The following TRIM61 variants were observed in gnomAD, a reference collection of about 807,000 sequenced individuals.
TRIM61 encodes the protein putative tripartite motif-containing protein 61.
Under a neutral mutation model 14.2 loss-of-function variants are expected in TRIM61, and 1 was observed. The ratio of observed to expected loss-of-function variants is 0.07; its 90% CI spans 0.03 to 0.33. The LOEUF (loss-of-function observed/expected upper bound fraction) is 0.33. TRIM61 is among the 10% of genes least tolerant of loss of function. The pLI is 0.99. For missense variants in TRIM61, 19 were observed against 202.2 expected (o/e 0.09, Z 5.49); for synonymous variants, 8 against 71.6 (o/e 0.11, Z 4.49).
intron 3 of TRIM61, among the ~76,000 whole-genome samples, chr4:164,963,384 T>G (rs1431252424): frequency 1.3e-5 from 2 of 152,082 alleles, no homozygotes; most frequent in Non-Finnish European, 2.9e-5. Context: ...CTTTTCAAGC[T>G]CCTATGGGAC....
chr4:164,955,838 C>T (rs572447206), intron 3 of TRIM61, among the ~76,000 whole-genome samples: 95 of 152,012 alleles, frequency 6.2e-4, no homozygotes, highest in African/African-American at 2.2e-3. Context: ...ACTAATTTGG[C>T]AGTTTTATGA....
chr4:164,971,098 C>CT (rs1290883220), intron 2 of TRIM61, among the ~76,000 whole-genome samples: 1 of 152,044 alleles, frequency 6.6e-6, no homozygotes, highest in Non-Finnish European at 1.5e-5. Context: ...GAAACTCTAT[C>CT]TCCCCCCTCA....
chr4:164,969,229 T>A, intron 3 of TRIM61: 1 of 1,347,308 alleles, frequency 7.4e-7, no homozygotes, highest in Non-Finnish European at 9.5e-7. Flanking sequence ...AATTCTCATA[T>A]CTGTGATAGA....
At chr4:164,965,251 G>T (rs906526043) in intron 3 of TRIM61, among the ~76,000 whole-genome samples, 5 of 151,644 alleles carry the variant, frequency 3.3e-5, no homozygotes, top group Non-Finnish European at 1.5e-5. Context: ...TTGCACCACT[G>T]CACTCCAGCC....
chr4:164,957,142 G>C, intron 3 of TRIM61: 2 of 1,606,646 alleles, frequency 1.2e-6, no homozygotes, highest in East Asian at 2.3e-5. Flanking sequence ...GCAGGGCTTC[G>C]GGTCTCCCTA....
At chr4:164,959,276 T>A (rs1732081438) in intron 3 of TRIM61, among the ~76,000 whole-genome samples, 1 of 152,176 alleles carries the variant, frequency 6.6e-6, no homozygotes. Context: ...GAACTGAAAT[T>A]TGGTGATATG....
chr4:164,956,451 A>T (rs1278501048), intron 3 of TRIM61, among the ~76,000 whole-genome samples: 1 of 152,238 alleles, frequency 6.6e-6, no homozygotes, highest in Non-Finnish European at 1.5e-5. Context: ...ATAAAAAGAA[A>T]CCAATTTCTA....
At chr4:164,977,224 C>G (rs1186051683) in intron 1 of TRIM61, among the ~76,000 whole-genome samples, 1 of 152,156 alleles carries the variant, frequency 6.6e-6, no homozygotes, top group East Asian at 1.9e-4. Flanking sequence ...GCTACCACTT[C>G]GCTCCCTTAA....
chr4:164,967,438 T>C (rs367915809), intron 3 of TRIM61, among the ~76,000 whole-genome samples: 11 of 152,292 alleles, frequency 7.2e-5, no homozygotes, highest in African/African-American at 2.4e-4. Context: ...GAGGAAAAGA[T>C]GGAACTAAGT....
chr4:164,975,650 G>A (rs1732465137), intron 2 of TRIM61, among the ~76,000 whole-genome samples: 1 of 152,172 alleles, frequency 6.6e-6, no homozygotes, highest in Non-Finnish European at 1.5e-5. Context: ...CCATTCTCTA[G>A]TCTCAATAAA....
chr4:164,961,269 A>G (rs1289907225), intron 3 of TRIM61, among the ~76,000 whole-genome samples: 1 of 151,076 alleles, frequency 6.6e-6, no homozygotes, highest in Non-Finnish European at 1.5e-5. Context: ...TCAGATAGAT[A>G]ATTTTATCAG....
At chr4:164,971,980 C>T (rs1732377872) in intron 2 of TRIM61, among the ~76,000 whole-genome samples, 1 of 152,194 alleles carries the variant, frequency 6.6e-6, no homozygotes, top group Admixed American at 6.5e-5. Context: ...GGTGACCTAG[C>T]AAGTTCTTTT....
intron 2 of TRIM61, among the ~76,000 whole-genome samples, chr4:164,972,861 C>T (rs1034038927): frequency 6.6e-6 from 1 of 152,150 alleles, no homozygotes; most frequent in African/African-American, 2.4e-5. Flanking sequence ...AATGTTGTTT[C>T]CCCTCATAAC....
At chr4:164,970,934 T>C (rs1005799866) in intron 2 of TRIM61, among the ~76,000 whole-genome samples, 8 of 152,220 alleles carry the variant, frequency 5.3e-5, no homozygotes, top group Admixed American at 5.2e-4. Context: ...ACCCTATCTC[T>C]ACTAAAGATA....
chr4:164,957,588 A>G (rs1579141106), intron 3 of TRIM61: 5 of 1,289,944 alleles, frequency 3.9e-6, no homozygotes, highest in Admixed American at 5.7e-5. Flanking sequence ...AACTAAACCA[A>G]TCGTTATGTT....
intron 3 of TRIM61, among the ~76,000 whole-genome samples, chr4:164,962,049 C>A (rs1253104686): frequency 1.3e-5 from 2 of 151,876 alleles, no homozygotes; most frequent in Admixed American, 1.3e-4. Context: ...AGAAAAAGTT[C>A]CGTAAAAATA....
At chr4:164,957,830 C>G in intron 3 of TRIM61, 1 of 214,260 alleles carries the variant, frequency 4.7e-6, no homozygotes, top group Non-Finnish European at 1.0e-5. Context: ...ACTATTCACT[C>G]AAATAATTAG....
At chr4:164,973,015 T>C (rs552308419) in intron 2 of TRIM61, among the ~76,000 whole-genome samples, 25 of 152,296 alleles carry the variant, frequency 1.6e-4, no homozygotes, top group South Asian at 4.1e-4. Context: ...ACAGGTATCA[T>C]GCTTTCCCTC....
Position 164,968,276 on chromosome 4 carries a change from A to G in TRIM61, c.525+1202T>C, listed in dbSNP as rs978419546. ...ATCTTTCTTAAAGGAAAAGTATATA[A>G]GAAATACAGAAAAAAATTACTGGGC... On this transcript the variant is annotated intron_variant, in intron 3 of 4. Transcript: ENST00000329314. The G allele has an allele frequency of 2.2e-6, 1 of 461,354 alleles. No homozygotes were observed. Among genetic ancestry groups the G allele is most frequent in the African/African-American group, 3.5e-5 (1 of 28,814 alleles). The allele number at this position is 461,354 out of a possible 1,614,324, so 28.6% of individuals were successfully genotyped here.
Sources: allele counts gnomAD v4.1 joint callset (sites outside exome capture counted in the v4.1 genomes callset), GRCh38; gene constraint gnomAD v4.1.1; transcripts MANE v1.5; gene names NCBI Gene and HGNC (gene_info 2026-07-23, HGNC 2026-07-21).